Variants in CNTNAP5 observed in about 807,000 individuals in gnomAD.
CNTNAP5 encodes the protein contactin associated protein family member 5, also known as contactin-associated protein-like 5.
In CNTNAP5, 72 loss-of-function variants were observed where a neutral mutation model predicts 150.2. The ratio of observed to expected loss-of-function variants is 0.48; its 90% confidence interval spans 0.40 to 0.58. The LOEUF (loss-of-function observed/expected upper bound fraction) is 0.58. Ranked by LOEUF, CNTNAP5 falls within the 20% of genes least tolerant of loss-of-function variation. The pLI, the probability that CNTNAP5 is intolerant of heterozygous loss-of-function variation, is 0.00. For missense variants in CNTNAP5, 1,636 were observed against 1,626.2 expected (o/e 1.01, Z -0.10); for synonymous variants, 672 against 619.8 (o/e 1.08, Z -1.25).
At chr2:124,055,353 C>G (rs1001887526) in intron 1 of CNTNAP5, among the ~76,000 whole-genome samples, 5 of 152,160 alleles carry the variant, frequency 3.3e-5, no homozygotes, top group African/African-American at 4.8e-5. Flanking sequence ...TGTCCTCCTC[C>G]TCATCTCCTC....
intron 3 of CNTNAP5, among the ~76,000 whole-genome samples, chr2:124,305,910 G>A (rs759391632): frequency 2.6e-5 from 4 of 152,102 alleles, no homozygotes; most frequent in Admixed American, 6.5e-5. Flanking sequence ...TTTTGCCTGT[G>A]TCCCTTATGG....
chr2:124,162,973 C>T (rs968280285), intron 1 of CNTNAP5, among the ~76,000 whole-genome samples: 1 of 151,040 alleles, frequency 6.6e-6, no homozygotes, highest in Admixed American at 6.6e-5. Context: ...AAAAGTCATC[C>T]CTTGAAGTTG....
At chr2:124,660,035 G>T (rs1011429366) in intron 13 of CNTNAP5, among the ~76,000 whole-genome samples, 1 of 91,630 alleles carries the variant, frequency 1.1e-5, no homozygotes, top group Non-Finnish European at 2.3e-5. Context: ...AGGAAGGAAG[G>T]AAGGAAGAAA....
chr2:124,176,247 C>A lies in CNTNAP5; in HGVS notation c.83-45458C>A, dbSNP rs75173718. On this transcript the variant is annotated intron_variant, in intron 1 of 23. Transcript: ENST00000682447. ...CAAATGACCATTAAGTAAGAGGAGA[C>A]AATACCACTATTTCACATCTCATTC... Among the ~76,000 whole-genome samples, 499 of 152,314 alleles carry A rather than the reference C, an allele frequency of 3.3e-3. 1 individual carries two copies. The highest frequency in any genetic ancestry group is 6.8e-3 in the Middle Eastern group (2 of 294).
intron 3 of CNTNAP5, among the ~76,000 whole-genome samples, chr2:124,337,348 CT>C (rs1689498786): frequency 6.6e-6 from 1 of 152,130 alleles, no homozygotes; most frequent in South Asian, 2.1e-4. Flanking sequence ...ATGGTACTTT[CT>C]TTTGCTGCGC....
intron 1 of CNTNAP5, among the ~76,000 whole-genome samples, chr2:124,111,156 T>C (rs1158409329): frequency 1.3e-5 from 2 of 152,010 alleles, no homozygotes; most frequent in African/African-American, 2.4e-5. Context: ...AATCAAAAAA[T>C]GAAATGAAAT....
intron 3 of CNTNAP5, among the ~76,000 whole-genome samples, chr2:124,330,901 C>G (rs1009311283): frequency 6.6e-6 from 1 of 152,060 alleles, no homozygotes; most frequent in Non-Finnish European, 1.5e-5. Flanking sequence ...ACGTTTCAAA[C>G]AAAATTCATA....
chr2:124,794,928 AAAT>A (rs1179395973), intron 18 of CNTNAP5, among the ~76,000 whole-genome samples: 3 of 152,190 alleles, frequency 2.0e-5, no homozygotes, highest in African/African-American at 4.8e-5. Flanking sequence ...ATAATTTTTG[AAAT>A]AATTGCTCAG....
intron 3 of CNTNAP5, among the ~76,000 whole-genome samples, chr2:124,292,030 G>A (rs983053227): frequency 2.2e-4 from 33 of 152,236 alleles, no homozygotes; most frequent in African/African-American, 6.7e-4. Context: ...CAGTTTTCAT[G>A]TGGCCAAGCA....
intron 3 of CNTNAP5, among the ~76,000 whole-genome samples, chr2:124,244,031 A>T (rs1266922295): frequency 6.6e-6 from 1 of 152,114 alleles, no homozygotes; most frequent in Non-Finnish European, 1.5e-5. Context: ...GGTACTTGTC[A>T]TTGGGACTGG....
intron 12 of CNTNAP5, among the ~76,000 whole-genome samples, chr2:124,629,552 A>T (rs544670175): frequency 1.3e-5 from 2 of 152,276 alleles, no homozygotes; most frequent in African/African-American, 4.8e-5. Context: ...TCTGGGACAC[A>T]GCTAAAGCAG....
At chr2:124,305,783 T>C (rs1259967811) in intron 3 of CNTNAP5, among the ~76,000 whole-genome samples, 2 of 152,198 alleles carry the variant, frequency 1.3e-5, no homozygotes, top group Admixed American at 1.3e-4. Context: ...TGTGCCAACA[T>C]CTTTATATTG....
intron 13 of CNTNAP5, among the ~76,000 whole-genome samples, chr2:124,696,445 T>A (rs1679408743): frequency 6.6e-6 from 1 of 152,184 alleles, no homozygotes; most frequent in Non-Finnish European, 1.5e-5. Flanking sequence ...TCTTACCTTC[T>A]GCCTCTCAGT....
chr2:124,180,544 G>A (rs1430340324), intron 1 of CNTNAP5, among the ~76,000 whole-genome samples: 1 of 151,966 alleles, frequency 6.6e-6, no homozygotes, highest in Non-Finnish European at 1.5e-5. Context: ...AGTAACCAAA[G>A]CCTAAATCTA....
chr2:124,115,805 T>TGTGTGC (rs1384744817), intron 1 of CNTNAP5, among the ~76,000 whole-genome samples: 7 of 150,850 alleles, frequency 4.6e-5, no homozygotes, highest in Admixed American at 1.3e-4. Flanking sequence ...TGTGTGTGTG[T>TGTGTGC]GTGTGTGTGT....
intron 3 of CNTNAP5, among the ~76,000 whole-genome samples, chr2:124,289,925 G>A (rs367582859): frequency 3.1e-4 from 47 of 152,214 alleles, no homozygotes; most frequent in African/African-American, 1.1e-3. Flanking sequence ...CTACTTGTGG[G>A]ATTATGAGTA....
chr2:124,435,627 A>T (rs1160736996), intron 5 of CNTNAP5, among the ~76,000 whole-genome samples: 1 of 152,214 alleles, frequency 6.6e-6, no homozygotes, highest in Non-Finnish European at 1.5e-5. Flanking sequence ...TCACTATAAA[A>T]TAGTAAAGAA....
At chr2:124,690,172 T>A (rs1482795111) in intron 13 of CNTNAP5, among the ~76,000 whole-genome samples, 1 of 152,094 alleles carries the variant, frequency 6.6e-6, no homozygotes, top group African/African-American at 2.4e-5. Context: ...TAAAAACACA[T>A]TAAGTATCAG....
chr2:124,344,209 A>G (rs894564678), intron 3 of CNTNAP5, among the ~76,000 whole-genome samples: 2 of 151,802 alleles, frequency 1.3e-5, no homozygotes, highest in African/African-American at 4.8e-5. Flanking sequence ...GCCCCCCAAA[A>G]CTCATGTCCT....
Sources: gnomAD v4.1 joint callset for allele counts (sites outside exome capture counted in the v4.1 genomes callset) on GRCh38, gnomAD v4.1.1 for gene constraint, MANE v1.5 for transcripts, NCBI Gene and HGNC (gene_info 2026-07-23, HGNC 2026-07-21) for gene names.